FHIT: variants seen among roughly 807,000 people sequenced by gnomAD.
FHIT encodes fragile histidine triad diadenosine triphosphatase.
A neutral mutation model predicts 17.9 loss-of-function variants in FHIT; 19 were observed. The observed-to-expected ratio is 1.06, with a 90% confidence interval of 0.74 to 1.56. The LOEUF (loss-of-function observed/expected upper bound fraction) is 1.56, where lower values mean the gene tolerates loss of function less well. Among genes scored for constraint, FHIT ranks in the 40% most tolerant of loss-of-function variants. The pLI is 0.00. For synonymous variants in FHIT, 81 were observed against 69.7 expected, an observed-to-expected ratio of 1.16 and a Z score of -0.81; for missense variants, 248 against 189.2, an observed-to-expected ratio of 1.31 and a Z score of -1.82.
At position 60,624,923 on chromosome 3, in the gene FHIT, G is replaced by T. The variant is rs1254795740; in HGVS notation, c.-17-87944C>A. On this transcript the variant is annotated intron_variant, in intron 4 of 9. Coordinates refer to ENST00000492590, the MANE Select transcript of FHIT (RefSeq NM_002012.4). ...TTTTTTTTTGTTTGTTTGTTTGTTT[G>T]TTTTTGAGACAGTCTTGCCCTGTTG... 7.6e-3 allele frequency among the ~76,000 whole-genome samples: 1,148 copies of T among 150,556 alleles called. 23 individuals are homozygous for T. The highest frequency in any genetic ancestry group is 0.027 in the African/African-American group (1,105 of 40,360).
chr3:60,514,092 C>A (rs1016080553), intron 5 of FHIT, among the ~76,000 whole-genome samples: 4 of 152,160 alleles, frequency 2.6e-5, no homozygotes, highest in Admixed American at 2.0e-4. Flanking sequence ...CTTTCATCAC[C>A]CAATAAAATC....
chr3:60,610,502 T>TATTA (rs2038752393), intron 4 of FHIT, among the ~76,000 whole-genome samples: 1 of 152,170 alleles, frequency 6.6e-6, no homozygotes, highest in Non-Finnish European at 1.5e-5. Context: ...CTAAGTGTTT[T>TATTA]AGGGGCTTTG....
intron 2 of FHIT, among the ~76,000 whole-genome samples, chr3:61,162,458 T>C (rs1207956692): frequency 1.3e-5 from 2 of 152,228 alleles, no homozygotes; most frequent in Non-Finnish European, 2.9e-5. Context: ...TGGTGGATCA[T>C]ACTCAAGGTA....
At chr3:60,860,893 A>C (rs28666776) in intron 3 of FHIT, among the ~76,000 whole-genome samples, 1 of 78,208 alleles carries the variant, frequency 1.3e-5, no homozygotes, top group East Asian at 2.7e-4. Flanking sequence ...ATGAACATAT[A>C]TACGTATATA....
chr3:60,234,865 T>C (rs1187199162), intron 5 of FHIT, among the ~76,000 whole-genome samples: 1 of 152,162 alleles, frequency 6.6e-6, no homozygotes, highest in Non-Finnish European at 1.5e-5. Flanking sequence ...TGGTAGACTT[T>C]AATCCTTCTT....
chr3:61,133,794 G>T (rs915519188), intron 2 of FHIT, among the ~76,000 whole-genome samples: 2 of 152,072 alleles, frequency 1.3e-5, no homozygotes, highest in Non-Finnish European at 2.9e-5. Flanking sequence ...TATTTTAAGA[G>T]GTCAAGGAGC....
intron 4 of FHIT, among the ~76,000 whole-genome samples, chr3:60,641,903 A>G (rs1472217195): frequency 6.6e-6 from 1 of 152,112 alleles, no homozygotes; most frequent in Non-Finnish European, 1.5e-5. Flanking sequence ...TACTAGCTAC[A>G]GCAGAATGCC....
rs1703040303 is a variant in FHIT, at chr3:60,077,059, C to T, written c.104-62907G>A. ...AATAAGATAGATAAAACTTAGTAGA[C>T]AGAAATATATTTTTTTCATAGCAAA... On this transcript the variant is annotated intron_variant, in intron 5 of 9. Transcript: ENST00000492590. Among the ~76,000 whole-genome samples the T allele has an allele frequency of 6.3e-5, 6 of 94,860 alleles. No homozygotes were observed. In the South Asian group the frequency reaches 1.8e-3, roughly 28 times the overall value. The allele number at this position is 94,860 out of a possible 152,430, so 62.2% of individuals were successfully genotyped here. A position where few individuals can be genotyped will look rare whatever the true frequency, so the allele number is the denominator to read the frequency against.
chr3:60,281,273 T>C (rs1402267101), intron 5 of FHIT, among the ~76,000 whole-genome samples: 1 of 152,150 alleles, frequency 6.6e-6, no homozygotes, highest in Non-Finnish European at 1.5e-5. Context: ...CCCAACTTGA[T>C]TATACATTCA....
intron 1 of FHIT, among the ~76,000 whole-genome samples, chr3:61,224,767 G>A (rs1237786065): frequency 6.6e-6 from 1 of 152,134 alleles, no homozygotes; most frequent in African/African-American, 2.4e-5. Flanking sequence ...AAGGATGACA[G>A]CATTTCCACC....
intron 5 of FHIT, among the ~76,000 whole-genome samples, chr3:60,120,584 A>G (rs769214695): frequency 5.3e-5 from 8 of 152,232 alleles, no homozygotes; most frequent in Non-Finnish European, 1.2e-4. Context: ...AATTTACTGT[A>G]GGGTTGAGAA....
intron 4 of FHIT, among the ~76,000 whole-genome samples, chr3:60,759,520 T>G (rs2108049728): frequency 6.6e-6 from 1 of 152,156 alleles, no homozygotes; most frequent in Non-Finnish European, 1.5e-5. Context: ...AGAGACAAGT[T>G]TTTAAGGATG....
intron 2 of FHIT, among the ~76,000 whole-genome samples, chr3:61,108,754 G>A (rs750033567): frequency 2.3e-4 from 35 of 152,144 alleles, no homozygotes; most frequent in Non-Finnish European, 4.6e-4. Context: ...AGAGGGAAAG[G>A]ATAGGACAAA....
chr3:60,379,900 C>A (rs1276044088), intron 5 of FHIT, among the ~76,000 whole-genome samples: 1 of 152,166 alleles, frequency 6.6e-6, no homozygotes, highest in Non-Finnish European at 1.5e-5. Flanking sequence ...CCAGTAGTAT[C>A]TCTAGGGCTT....
chr3:60,201,757 T>G (rs1702918903), intron 5 of FHIT, among the ~76,000 whole-genome samples: 1 of 152,126 alleles, frequency 6.6e-6, no homozygotes. Flanking sequence ...ATAGCTGAGT[T>G]CATCTAAAAT....
chr3:60,167,997 C>A (rs887589046), intron 5 of FHIT, among the ~76,000 whole-genome samples: 6 of 152,142 alleles, frequency 3.9e-5, no homozygotes, highest in African/African-American at 1.2e-4. Flanking sequence ...GCACTCCAGC[C>A]TGGGTAAGAG....
At chr3:60,259,634 G>A (rs1216092740) in intron 5 of FHIT, among the ~76,000 whole-genome samples, 1 of 152,118 alleles carries the variant, frequency 6.6e-6, no homozygotes, top group African/African-American at 2.4e-5. Flanking sequence ...CAGGAGCTAA[G>A]TACTATTATT....
At chr3:60,829,565 A>C (rs945336898) in intron 3 of FHIT, among the ~76,000 whole-genome samples, 1 of 152,210 alleles carries the variant, frequency 6.6e-6, no homozygotes. Flanking sequence ...AGGAGAAAAA[A>C]GTAAAAGAAA....
At chr3:60,570,736 T>TA (rs2037346477) in intron 4 of FHIT, among the ~76,000 whole-genome samples, 1 of 12,792 alleles carries the variant, frequency 7.8e-5, no homozygotes, top group Non-Finnish European at 1.6e-4. Flanking sequence ...CATTAAAAAA[T>TA]TAAAAAAAAA....
Sources: gnomAD v4.1 joint callset for allele counts (sites outside exome capture counted in the v4.1 genomes callset) on GRCh38, gnomAD v4.1.1 for gene constraint, MANE v1.5 for transcripts, NCBI Gene and HGNC (gene_info 2026-07-23, HGNC 2026-07-21) for gene names.